PDIA5: variants seen among roughly 807,000 people sequenced by gnomAD.
PDIA5 encodes protein disulfide-isomerase A5.
A neutral mutation model predicts 77.6 loss-of-function variants in PDIA5; 58 were observed. That is an observed-to-expected ratio of 0.75 (90% CI 0.61 to 0.93). PDIA5 has a LOEUF of 0.93. PDIA5 is among the 40% of genes least tolerant of loss of function. The pLI is 0.00. For missense variants in PDIA5, 630 were observed against 647.7 expected, an observed-to-expected ratio of 0.97 and a Z score of 0.30; for synonymous variants, 250 against 252.1, an observed-to-expected ratio of 0.99 and a Z score of 0.08.
chr3:123,096,499 T>C (rs887948478), intron 3 of PDIA5, among the ~76,000 whole-genome samples: 3 of 152,164 alleles, frequency 2.0e-5, no homozygotes, highest in Admixed American at 6.5e-5. Flanking sequence ...TGGCCTTCTT[T>C]TGGCCTCTTT....
chr3:123,067,089 G>T lies in PDIA5; in HGVS notation c.-76G>T. 3 of 1,181,942 alleles carry T rather than the reference G, an allele frequency of 2.5e-6. No individual in the cohort carries two copies. The highest frequency in any genetic ancestry group is 3.2e-6 in the Non-Finnish European group (3 of 939,844). The allele number at this position is 1,181,942 out of a possible 1,614,324, so 73.2% of individuals were successfully genotyped here. A position where few individuals can be genotyped will look rare whatever the true frequency, so the allele number is the denominator to read the frequency against. The stretch of plus-strand genomic sequence containing the variant: ...GAAGTGGCCGTGGTGGTTGGCCGCG[G>T]TGGAGCTAGCAGGCGGGCGGGCGGG... On this transcript the variant is annotated 5_prime_UTR_variant, in exon 1 of 17. Coordinates refer to ENST00000316218, the MANE Select transcript of PDIA5 (RefSeq NM_006810.4).
At position 123,145,549 on chromosome 3, in the gene PDIA5, C is replaced by T. The variant is rs773475418; in HGVS notation, c.938C>T (p.Pro313Leu). The T allele has an allele frequency of 5.0e-6, 8 of 1,613,804 alleles. No homozygotes were observed. The highest frequency in any genetic ancestry group is 4.0e-5 in the African/African-American group (3 of 74,890). ...PWCGHCKKMK[P>L]EFEKAAEALH... is the part of the protein sequence containing the mutation. ...TGTGGCCACTGTAAGAAAATGAAGC[C>T]GGAGTTTGAGAAGGCAGCAGAAGCC... The change falls in exon 12 of 17, where the codon CCG becomes CTG. Residue 313 changes from proline to leucine, a missense_variant. Transcript: ENST00000316218.
chr3:123,105,393 G>T (rs1381689024), intron 5 of PDIA5, among the ~76,000 whole-genome samples: 1 of 152,214 alleles, frequency 6.6e-6, no homozygotes, highest in Non-Finnish European at 1.5e-5. Context: ...AGCTGTGGGT[G>T]AGTGTGGGTG....
chr3:123,145,424 C>T (rs1935743481), intron 11 of PDIA5, 98 bp from the exon 12 acceptor site: 2 of 775,684 alleles, frequency 2.6e-6, no homozygotes, highest in South Asian at 3.3e-5. Context: ...TCTCAGGTGT[C>T]TGGGAATGGG....
rs376236217 is a variant in PDIA5 at position 123,145,891 on chromosome 3, C to A, written c.982-208C>A. On this transcript the variant is annotated intron_variant, in intron 12 of 16. Coordinates refer to ENST00000316218, the MANE Select transcript of PDIA5 (RefSeq NM_006810.4). Reference sequence around the variant, plus strand: ...CTCAACGTGGCTGGTGGGGCAGATTCAAAAGCCTCATCTCAGCTCATAAAT... The same window carrying A: ...CTCAACGTGGCTGGTGGGGCAGATTAAAAAGCCTCATCTCAGCTCATAAAT... Among the ~76,000 whole-genome samples the A allele has an allele frequency of 4.6e-5, 7 of 152,316 alleles. No homozygotes were observed. In the East Asian group the frequency reaches 9.6e-4, roughly 21 times the overall value.
chr3:123,133,729 A>G (rs1051207789), intron 11 of PDIA5, among the ~76,000 whole-genome samples: 1 of 152,244 alleles, frequency 6.6e-6, no homozygotes, highest in Admixed American at 6.5e-5. Flanking sequence ...GCCTTGGGAA[A>G]AGGCTGACCA....
chr3:123,073,839 G>T (rs13434289), intron 1 of PDIA5, among the ~76,000 whole-genome samples: 20,023 of 152,274 alleles, frequency 0.13, 1,584 homozygotes, highest in Non-Finnish European at 0.18. Context: ...GCAGATTTCT[G>T]GAAGTCGTGA....
At chr3:123,140,978 CT>C (rs1168436907) in intron 11 of PDIA5, among the ~76,000 whole-genome samples, 1 of 152,122 alleles carries the variant, frequency 6.6e-6, no homozygotes, top group Non-Finnish European at 1.5e-5. Flanking sequence ...AGGCCCACCG[CT>C]GATGGAAGCT....
chr3:123,106,500 A>T (rs1441046541), intron 5 of PDIA5, among the ~76,000 whole-genome samples: 1 of 152,130 alleles, frequency 6.6e-6, no homozygotes, highest in Non-Finnish European at 1.5e-5. Context: ...ACCTGGCTGG[A>T]GTGAGCAAGG....
At chr3:123,130,662 A>G in intron 11 of PDIA5, 46 bp downstream of exon 11, 2 of 1,603,904 alleles carry the variant, frequency 1.2e-6, no homozygotes, top group Non-Finnish European at 1.7e-6. Context: ...CCCCTCTCTC[A>G]GAGTAGGATG....
intron 12 of PDIA5, 131 bp from the exon 13 acceptor site, chr3:123,145,968 C>G (rs1176687051): frequency 2.5e-6 from 2 of 795,312 alleles, no homozygotes; most frequent in Non-Finnish European, 4.2e-6. Flanking sequence ...TATGGGAGCC[C>G]ACTGGGCTAG....
intron 1 of PDIA5, among the ~76,000 whole-genome samples, chr3:123,082,547 G>GT (rs1181442261): frequency 6.6e-6 from 1 of 151,858 alleles, no homozygotes; most frequent in Non-Finnish European, 1.5e-5. Context: ...ATGATTTGAG[G>GT]TTTTCTGGTG....
intron 13 of PDIA5, among the ~76,000 whole-genome samples, chr3:123,146,519 T>C (rs1021973484): frequency 1.3e-5 from 2 of 152,214 alleles, no homozygotes; most frequent in Non-Finnish European, 2.9e-5. Context: ...TGTCTCAGCC[T>C]CCTTAGGCCC....
chr3:123,157,923 G>A (rs2673339), intron 15 of PDIA5, among the ~76,000 whole-genome samples: 75,299 of 151,996 alleles, frequency 0.5, 18,653 homozygotes, highest in South Asian at 0.54. Flanking sequence ...CAGGCTGGGG[G>A]TGGTGTGGGG....
At chr3:123,133,500 T>G (rs1387328451) in intron 11 of PDIA5, among the ~76,000 whole-genome samples, 1 of 152,250 alleles carries the variant, frequency 6.6e-6, no homozygotes, top group Non-Finnish European at 1.5e-5. Context: ...TGAATTAGCG[T>G]GTCTTTCTTT....
chr3:123,135,367 G>C (rs1275589555), intron 11 of PDIA5, among the ~76,000 whole-genome samples: 1 of 152,112 alleles, frequency 6.6e-6, no homozygotes, highest in African/African-American at 2.4e-5. Flanking sequence ...CAGGTTCTGG[G>C]GATCCTGAGG....
chr3:123,129,024 G>A (rs1277098948), intron 10 of PDIA5, among the ~76,000 whole-genome samples: 3 of 150,848 alleles, frequency 2.0e-5, no homozygotes, highest in African/African-American at 7.3e-5. Flanking sequence ...CGTGTAGATG[G>A]ACAGCAGTTT....
intron 8 of PDIA5, among the ~76,000 whole-genome samples, chr3:123,117,462 C>T (rs879256806): frequency 4.8e-5 from 7 of 146,376 alleles, no homozygotes; most frequent in Non-Finnish European, 9.0e-5. Context: ...TGAGCTCAAC[C>T]GATCTTCCCG....
intron 5 of PDIA5, among the ~76,000 whole-genome samples, chr3:123,106,110 G>A (rs1473478565): frequency 1.3e-5 from 2 of 152,248 alleles, no homozygotes. Context: ...GCCCCAGCAT[G>A]AGAAGTATAG....
Sources: gnomAD v4.1 joint callset for allele counts (sites outside exome capture counted in the v4.1 genomes callset) on GRCh38, gnomAD v4.1.1 for gene constraint, MANE v1.5 for transcripts, NCBI Gene and HGNC (gene_info 2026-07-23, HGNC 2026-07-21) for gene names.